The following IQUB variants were observed in gnomAD, a reference collection of about 807,000 sequenced individuals.
IQUB encodes IQ motif and ubiquitin domain containing, also known as IQ motif and ubiquitin-like domain-containing protein.
In IQUB, 86 loss-of-function variants were observed where a neutral mutation model predicts 86.4. The observed-to-expected ratio is 1.00, with a 90% confidence interval of 0.84 to 1.19. The LOEUF is 1.19. Among genes scored for constraint, IQUB ranks in the 50% most tolerant of loss-of-function variants. The probability of loss-of-function intolerance (pLI) is 0.00; values close to 1 mark genes in which losing one functional copy is unlikely to be tolerated. For missense variants in IQUB, 946 were observed against 916.9 expected, an observed-to-expected ratio of 1.03 and a Z score of -0.41; for synonymous variants, 289 against 304.5, an observed-to-expected ratio of 0.95 and a Z score of 0.53.
intron 8 of IQUB, among the ~76,000 whole-genome samples, chr7:123,474,983 C>T (rs1275828696): frequency 6.6e-6 from 1 of 152,198 alleles, no homozygotes; most frequent in East Asian, 1.9e-4. Context: ...CTCTGCCTTT[C>T]ACCTTTGTGT....
chr7:123,532,681 G>A (rs1797587061), intron 1 of IQUB: 1 of 152,156 alleles, frequency 6.6e-6, no homozygotes, highest in Non-Finnish European at 1.5e-5. Context: ...GCAAGGTGCG[G>A]GACGGCGTGA....
At chr7:123,473,820 C>CG (rs1584569323) in intron 8 of IQUB, among the ~76,000 whole-genome samples, 2 of 151,474 alleles carry the variant, frequency 1.3e-5, no homozygotes, top group South Asian at 2.1e-4. Context: ...CTCCTGACCT[C>CG]GCGATCCACC....
intron 1 of IQUB, among the ~76,000 whole-genome samples, chr7:123,518,285 T>A (rs1340469487): frequency 6.6e-6 from 1 of 152,186 alleles, no homozygotes; most frequent in African/African-American, 2.4e-5. Context: ...CTTAGCTGGT[T>A]ATCTTAATTT....
chr7:123,453,624 T>C (rs751243939), intron 12 of IQUB, among the ~76,000 whole-genome samples: 2 of 151,900 alleles, frequency 1.3e-5, no homozygotes, highest in Non-Finnish European at 2.9e-5. Flanking sequence ...AGATTAAATA[T>C]GGCTGAGGAA....
intron 1 of IQUB, among the ~76,000 whole-genome samples, chr7:123,527,224 T>C (rs962956773): frequency 3.9e-5 from 6 of 152,228 alleles, no homozygotes; most frequent in Admixed American, 2.0e-4. Flanking sequence ...TTCCAAATTT[T>C]TTTCAAAGTT....
chr7:123,530,968 C>G (rs1315674207), intron 1 of IQUB, among the ~76,000 whole-genome samples: 1 of 152,122 alleles, frequency 6.6e-6, no homozygotes, highest in African/African-American at 2.4e-5. Context: ...TCTTTGAGAG[C>G]TTTACAAATT....
chr7:123,518,454 C>G (rs1355477600), intron 1 of IQUB, among the ~76,000 whole-genome samples: 4 of 152,160 alleles, frequency 2.6e-5, no homozygotes, highest in Non-Finnish European at 2.9e-5. Flanking sequence ...ATCCAAACTA[C>G]TCACCATGGC....
At chr7:123,477,256 A>G (rs1794786375) in intron 8 of IQUB, among the ~76,000 whole-genome samples, 2 of 152,154 alleles carry the variant, frequency 1.3e-5, no homozygotes, top group South Asian at 4.1e-4. Context: ...GACCAATGGA[A>G]CAAAACAGAG....
intron 12 of IQUB, among the ~76,000 whole-genome samples, chr7:123,453,345 G>C (rs1292996965): frequency 6.9e-6 from 1 of 144,342 alleles, no homozygotes; most frequent in African/African-American, 2.5e-5. Context: ...ACAAAACAAG[G>C]GAAGTCTGAG....
At chr7:123,471,642 G>A (rs1366946897) in intron 8 of IQUB, among the ~76,000 whole-genome samples, 1 of 150,694 alleles carries the variant, frequency 6.6e-6, no homozygotes, top group Non-Finnish European at 1.5e-5. Context: ...TCCCCCCCAA[G>A]TTTTTAGCCT....
intron 1 of IQUB, among the ~76,000 whole-genome samples, chr7:123,523,677 TC>T (rs750343911): frequency 6.6e-6 from 1 of 151,914 alleles, no homozygotes; most frequent in Non-Finnish European, 1.5e-5. Flanking sequence ...GATGGTAGTT[TC>T]TTTTGCTGTG....
At chr7:123,525,821 T>G (rs1797176090) in intron 1 of IQUB, among the ~76,000 whole-genome samples, 1 of 151,654 alleles carries the variant, frequency 6.6e-6, no homozygotes, top group South Asian at 2.1e-4. Context: ...TCTTTCCTGC[T>G]TTCTCTTGTG....
At chr7:123,522,423 T>C (rs1796949754) in intron 1 of IQUB, among the ~76,000 whole-genome samples, 1 of 152,260 alleles carries the variant, frequency 6.6e-6, no homozygotes, top group Admixed American at 6.5e-5. Flanking sequence ...ACTAGCTATA[T>C]GACTTTGAGA....
At chr7:123,479,722 CTT>C in intron 8 of IQUB, 71 bp downstream of exon 8, 1 of 1,088,404 alleles carries the variant, frequency 9.2e-7, no homozygotes, top group South Asian at 1.5e-5. Flanking sequence ...ATCTAAGTCT[CTT>C]GTCTGGTACA....
At chr7:123,526,014 G>C (rs1797188198) in intron 1 of IQUB, among the ~76,000 whole-genome samples, 1 of 146,412 alleles carries the variant, frequency 6.8e-6, no homozygotes, top group Non-Finnish European at 1.5e-5. Context: ...AAGCGGTTTT[G>C]AGTGAGATTC....
At chr7:123,496,580 A>G in intron 7 of IQUB, 116 bp downstream of exon 7, 1 of 605,546 alleles carries the variant, frequency 1.7e-6, no homozygotes, top group Non-Finnish European at 2.7e-6. Flanking sequence ...CTCTACTGCA[A>G]ATTTCCAAGA....
At chr7:123,479,190 G>A (rs1372187336) in intron 8 of IQUB, among the ~76,000 whole-genome samples, 7 of 152,032 alleles carry the variant, frequency 4.6e-5, no homozygotes, top group Non-Finnish European at 1.0e-4. Context: ...GAAAGACTAG[G>A]TTTATAAAAG....
intron 3 of IQUB, among the ~76,000 whole-genome samples, chr7:123,508,700 T>C (rs971792661): frequency 2.0e-5 from 3 of 152,212 alleles, no homozygotes; most frequent in African/African-American, 7.2e-5. Context: ...CTTCACCTTA[T>C]AGTTAATGTG....
chr7:123,457,406 T>C lies in IQUB; in HGVS notation c.2168A>G (p.His723Arg), dbSNP rs756592905. The change falls in exon 12 of 13, where the codon CAT (histidine) becomes CGT (arginine). Residue 723 changes from histidine to arginine, a missense_variant. Transcript: ENST00000324698. ...ILLTKDEAAA[H>R]LKLTSIEEGY... ...CTCTTCAATACTTGTTAGCTTGAGA[T>C]GAGCAGCTGCTTCATCTTTGGTAAG... is the stretch of plus-strand genomic sequence containing the variant. The C allele has an allele frequency of 1.2e-6, 2 of 1,612,000 alleles. No homozygotes were observed. The highest frequency in any genetic ancestry group is 1.7e-6 in the Non-Finnish European group (2 of 1,178,896).
Sources: allele counts gnomAD v4.1 joint callset (sites outside exome capture counted in the v4.1 genomes callset), GRCh38; gene constraint gnomAD v4.1.1; transcripts MANE v1.5; gene names NCBI Gene and HGNC (gene_info 2026-07-23, HGNC 2026-07-21).